PPM1L: variants seen among roughly 807,000 people sequenced by gnomAD.
PPM1L encodes protein phosphatase 1L.
A neutral mutation model predicts 31.4 loss-of-function variants in PPM1L; 13 were observed. The observed-to-expected ratio is 0.41, with a 90% CI of 0.27 to 0.66. The LOEUF is 0.66. Ranked by LOEUF, PPM1L falls within the 30% of genes least tolerant of loss-of-function variation. PPM1L has a pLI of 0.29. For missense variants in PPM1L, 326 were observed against 453.7 expected (o/e 0.72, Z 2.56); for synonymous variants, 184 against 175.4 (o/e 1.05, Z -0.39).
At chr3:160,883,252 C>CT (rs943226070) in intron 1 of PPM1L, among the ~76,000 whole-genome samples, 12 of 151,866 alleles carry the variant, frequency 7.9e-5, no homozygotes, top group East Asian at 1.9e-4. Flanking sequence ...TAAAATAAAA[C>CT]TTTTTTTTAC....
At chr3:161,033,104 A>G (rs57145341) in intron 2 of PPM1L, among the ~76,000 whole-genome samples, 56,902 of 151,708 alleles carry the variant, frequency 0.38, 11,413 homozygotes, top group East Asian at 0.64. Flanking sequence ...TCTACAAAGA[A>G]AATAAAGTAC....
At position 161,076,329 on chromosome 3, in the gene PPM1L, G is replaced by GA. The variant is rs1720096655; in HGVS notation, c.*7173dup. 1 of 152,108 alleles carries GA rather than the reference G, an allele frequency of 6.6e-6. No homozygotes were observed. The highest frequency in any genetic ancestry group is 1.5e-5 in the Non-Finnish European group (1 of 68,012). 9.4% of individuals were successfully genotyped at this position (152,108 alleles called of 1,614,324 possible). On this transcript the variant is annotated 3_prime_UTR_variant, in exon 4 of 4. Coordinates refer to ENST00000498165, the MANE Select transcript of PPM1L (RefSeq NM_139245.4). ...CTGTGGAGAAAAGCTAGAACCATGG[G>GA]ACATTAAGCAAGAATACTCCTCTGA...
In PPM1L at chr3:160,962,909, T is replaced by C. The variant is rs558239734; in HGVS notation, c.574+999T>C. Among the ~76,000 whole-genome samples, 59 of 151,924 alleles carry C rather than the reference T, an allele frequency of 3.9e-4. 2 individuals carry two copies. The South Asian group carries it at 0.012, about 32-fold the overall frequency. On this transcript the variant is annotated intron_variant, in intron 2 of 3. Coordinates refer to ENST00000498165, the MANE Select transcript of PPM1L (RefSeq NM_139245.4). Reference sequence around the variant, plus strand: ...CCACCCTCTAACCCCTTCACCTCCCTCTCAAGCAGGATCTGTATTTCCAGT... The same window carrying C: ...CCACCCTCTAACCCCTTCACCTCCCCCTCAAGCAGGATCTGTATTTCCAGT...
At chr3:160,943,138 C>T (rs1009931671) in intron 1 of PPM1L, among the ~76,000 whole-genome samples, 4 of 152,036 alleles carry the variant, frequency 2.6e-5, no homozygotes, top group African/African-American at 9.7e-5. Flanking sequence ...GATTATCTGC[C>T]AATGGAGGAG....
intron 1 of PPM1L, among the ~76,000 whole-genome samples, chr3:160,897,262 C>T (rs150562189): frequency 0.024 from 3,577 of 152,054 alleles, 77 homozygotes; most frequent in Middle Eastern, 0.034. Context: ...AGGATGGTCT[C>T]GATCTCTTGA....
At chr3:160,920,533 G>A (rs1328354898) in intron 1 of PPM1L, among the ~76,000 whole-genome samples, 2 of 145,980 alleles carry the variant, frequency 1.4e-5, no homozygotes, top group Non-Finnish European at 3.0e-5. Flanking sequence ...AAGGATAGAC[G>A]GTATATTTCT....
chr3:160,865,770 G>A (rs918951692), intron 1 of PPM1L, among the ~76,000 whole-genome samples: 3 of 152,162 alleles, frequency 2.0e-5, no homozygotes, highest in East Asian at 1.9e-4. Context: ...GTGAGACTCC[G>A]TCTCATAAAT....
intron 1 of PPM1L, among the ~76,000 whole-genome samples, chr3:160,823,233 C>A (rs946170333): frequency 6.6e-6 from 1 of 151,904 alleles, no homozygotes; most frequent in African/African-American, 2.4e-5. Context: ...TATTTACTTT[C>A]TTTGATTTTT....
intron 2 of PPM1L, among the ~76,000 whole-genome samples, chr3:160,995,292 A>T (rs1717275332): frequency 6.6e-6 from 1 of 152,048 alleles, no homozygotes; most frequent in Non-Finnish European, 1.5e-5. Flanking sequence ...ACCAGTAGCC[A>T]GAGGGTTTGT....
intron 2 of PPM1L, among the ~76,000 whole-genome samples, chr3:161,047,558 A>G (rs956051453): frequency 6.6e-6 from 1 of 152,216 alleles, no homozygotes; most frequent in Non-Finnish European, 1.5e-5. Context: ...GCTACCAATG[A>G]CTTTCTTCAC....
intron 1 of PPM1L, among the ~76,000 whole-genome samples, chr3:160,947,955 C>T (rs1715461032): frequency 6.6e-6 from 1 of 152,116 alleles, no homozygotes; most frequent in African/African-American, 2.4e-5. Context: ...ACCTAACCAC[C>T]CAAAATTCTA....
At chr3:160,955,368 G>A (rs575589304) in intron 1 of PPM1L, among the ~76,000 whole-genome samples, 59 of 151,996 alleles carry the variant, frequency 3.9e-4, no homozygotes, top group Admixed American at 3.8e-3. Flanking sequence ...ATTATTTCCT[G>A]ATTATTTTTC....
At chr3:160,865,082 G>A (rs984837593) in intron 1 of PPM1L, among the ~76,000 whole-genome samples, 7 of 152,052 alleles carry the variant, frequency 4.6e-5, no homozygotes, top group Non-Finnish European at 7.4e-5. Context: ...CTGTTAATTC[G>A]TTTCTAATGT....
chr3:161,061,165 T>G (rs1719559802), intron 2 of PPM1L, among the ~76,000 whole-genome samples: 1 of 152,170 alleles, frequency 6.6e-6, no homozygotes, highest in African/African-American at 2.4e-5. Context: ...CAGATCATTC[T>G]TAAGCCTCCC....
intron 1 of PPM1L, among the ~76,000 whole-genome samples, chr3:160,843,230 C>T (rs1177135941): frequency 6.6e-6 from 1 of 151,066 alleles, no homozygotes; most frequent in Admixed American, 6.6e-5. Flanking sequence ...AAGTTCTAAA[C>T]AATAGTGTTC....
At chr3:160,821,603 T>G (rs1713204476) in intron 1 of PPM1L, among the ~76,000 whole-genome samples, 1 of 152,112 alleles carries the variant, frequency 6.6e-6, no homozygotes. Flanking sequence ...TTCAATTTTT[T>G]GGGAGTAAAT....
chr3:161,034,858 AT>A (rs1237414917), intron 2 of PPM1L, among the ~76,000 whole-genome samples: 17 of 151,576 alleles, frequency 1.1e-4, no homozygotes, highest in Non-Finnish European at 2.4e-4. Flanking sequence ...CAATAAAAAA[AT>A]AAAAGAAAAT....
intron 2 of PPM1L, among the ~76,000 whole-genome samples, chr3:160,975,157 A>T (rs1366261519): frequency 6.6e-6 from 1 of 152,026 alleles, no homozygotes; most frequent in African/African-American, 2.4e-5. Context: ...GGTTTTTCTC[A>T]GGTTTGTCAA....
intron 2 of PPM1L, among the ~76,000 whole-genome samples, chr3:161,017,574 C>T (rs1718121659): frequency 1.3e-5 from 2 of 152,106 alleles, no homozygotes; most frequent in African/African-American, 4.8e-5. Context: ...CCCATTATGC[C>T]TATTGTATTA....
Sources: allele counts gnomAD v4.1 joint callset (sites outside exome capture counted in the v4.1 genomes callset), GRCh38; gene constraint gnomAD v4.1.1; transcripts MANE v1.5; gene names NCBI Gene and HGNC (gene_info 2026-07-23, HGNC 2026-07-21).